Variants in TPPP observed in about 807,000 individuals in gnomAD.
TPPP encodes tubulin polymerization-promoting protein.
Under a neutral mutation model 15.5 loss-of-function variants are expected in TPPP, and 6 were observed. The ratio of observed to expected loss-of-function variants is 0.39; its 90% CI spans 0.21 to 0.77. The LOEUF is 0.77. Among genes scored for constraint, TPPP ranks in the 30% least tolerant of loss-of-function variants. The pLI is 0.42. For missense variants in TPPP, 269 were observed against 307.2 expected (o/e 0.88, Z 0.93); for synonymous variants, 146 against 133.9 (o/e 1.09, Z -0.63).
At chr5:693,964 A>C (rs1960147), upstream of TPPP, among the ~76,000 whole-genome samples, 91,218 of 134,346 alleles carry the variant, frequency 0.68, 28,385 homozygotes, top group Non-Finnish European at 0.71. Context: ...GAGCAGGGAG[A>C]CGGGTCCGTG....
chr5:671,005 C>T (rs1222493212), intron 2 of TPPP, among the ~76,000 whole-genome samples: 1 of 152,216 alleles, frequency 6.6e-6, no homozygotes, highest in East Asian at 1.9e-4. Context: ...GCTCAGGCCC[C>T]AGGGCGGGCT....
intron 1 of TPPP, among the ~76,000 whole-genome samples, chr5:682,663 C>A (rs1212271018): frequency 6.6e-6 from 1 of 152,240 alleles, no homozygotes; most frequent in East Asian, 1.9e-4. Context: ...GAGCCTGTAA[C>A]TAGGGCCTGG....
intron 2 of TPPP, 84 bp downstream of exon 2, chr5:677,666 G>A (rs116271924): frequency 0.013 from 16,943 of 1,325,212 alleles, 206 homozygotes; most frequent in South Asian, 0.024. Flanking sequence ...CCCATGGCCC[G>A]CTCCCCACAG....
At chr5:692,589 A>G (rs1217111546) in intron 1 of TPPP, 1 of 982,690 alleles carries the variant, frequency 1.0e-6, no homozygotes, top group Non-Finnish European at 1.2e-6. Flanking sequence ...CGTAACCGAA[A>G]CCGCAGAATA....
rs529523544 is a variant in TPPP at position 665,129 on chromosome 5, G to A, written c.633C>T (p.Tyr211=). ...ACTTGCCCCCTTGCACCTTCTGGTC[G>A]TAGGTGCCTGCGTGCTTGTAGCCGG... ...YVSGYKHAGT[Y]DQKVQGGK Residue 211 remains tyrosine (Y), a synonymous_variant, in exon 4 of 4, where the codon TAC becomes TAT. Coordinates refer to ENST00000360578, the MANE Select transcript of TPPP (RefSeq NM_007030.3). 7.3e-5 allele frequency: 118 copies of A among 1,612,282 alleles called. No homozygotes were observed. In the East Asian group the frequency reaches 8.7e-4, roughly 12 times the overall value.
chr5:692,669 C>T, intron 1 of TPPP: 2 of 983,136 alleles, frequency 2.0e-6, no homozygotes, highest in South Asian at 4.7e-5. Context: ...GCCTCTCCAT[C>T]GCCACAGGCC....
At chr5:680,977 T>A (rs944168304) in intron 1 of TPPP, among the ~76,000 whole-genome samples, 1 of 152,214 alleles carries the variant, frequency 6.6e-6, no homozygotes, top group African/African-American at 2.4e-5. Context: ...AGCCACACTG[T>A]CTGGATCGCT....
intron 1 of TPPP, among the ~76,000 whole-genome samples, chr5:686,227 G>A (rs12656802): frequency 0.36 from 52,998 of 148,530 alleles, 7,868 homozygotes; most frequent in East Asian, 0.49. Context: ...CAACCATGTC[G>A]GAGACTCGGC....
intron 1 of TPPP, 84 bp from the exon 2 acceptor site, chr5:678,148 A>G: frequency 7.2e-7 from 1 of 1,384,804 alleles, no homozygotes; most frequent in Non-Finnish European, 9.6e-7. Context: ...CCGCCGTACC[A>G]ATGAGCACCA....
chr5:682,089 G>T lies in TPPP; in HGVS notation c.-4-4025C>A, dbSNP rs1172336521. Among the ~76,000 whole-genome samples the T allele has an allele frequency of 2.0e-5, 3 of 151,188 alleles. No individual in the cohort carries two copies. The East Asian group carries it at 5.8e-4, about 29-fold the overall frequency. Reference sequence around the variant, plus strand: ...GGAAACGCCTTCAGACTGGACACTGGACTGCCCAAAGCCAAACTTACAGAA... The same window carrying T: ...GGAAACGCCTTCAGACTGGACACTGTACTGCCCAAAGCCAAACTTACAGAA... On this transcript the variant is annotated intron_variant, in intron 1 of 3. Coordinates refer to ENST00000360578, the MANE Select transcript of TPPP (RefSeq NM_007030.3).
intron 2 of TPPP, among the ~76,000 whole-genome samples, chr5:675,119 G>GGACAGTGTGGCCAGGGA (rs1740363595): frequency 4.3e-5 from 5 of 115,804 alleles, no homozygotes; most frequent in African/African-American, 9.6e-5. Flanking sequence ...AGCACGGGGG[G>GGACAGTGTGGCCAGGGA]TACAGTGTGG....
In TPPP at chr5:677,922, C is replaced by T. The variant is rs1740505328; in HGVS notation, c.139G>A (p.Glu47Lys). Residue 47 changes from glutamate (E) to lysine (K), a missense_variant, in exon 2 of 4, where the codon GAG becomes AAG. Transcript: ENST00000360578. ...AAGGCCTCCTCCAGGGCACTGAGCT[C>T]AGGGGATGCGGCTGCCCCCTCACCA... The part of the protein sequence containing the change: ...GAGEGAAASP[E>K]LSALEEAFRR... 1 of 1,612,716 alleles carries T rather than the reference C, an allele frequency of 6.2e-7. No homozygotes were observed. The highest frequency in any genetic ancestry group is 2.2e-5 in the East Asian group (1 of 44,862).
rs564633157 is a variant in TPPP, at chr5:678,756, C to T, written c.-4-692G>A. On this transcript the variant is annotated intron_variant, in intron 1 of 3. Transcript: ENST00000360578. ...AGTGGTGGGGGCACCGGTGTCAGGG[C>T]GCAGGGACGCCCTCTGGACTTTGCA... Among the ~76,000 whole-genome samples, 143 of 152,252 alleles carry T rather than the reference C, an allele frequency of 9.4e-4. No individual in the cohort carries two copies. The South Asian group carries it at 0.016, about 17-fold the overall frequency.
At position 677,917 on chromosome 5, in the gene TPPP, G is replaced by A. The variant is rs1191634590; in HGVS notation, c.144C>T (p.Leu48=). 4 of 1,612,628 alleles carry A rather than the reference G, an allele frequency of 2.5e-6. No homozygotes were observed. The highest frequency in any genetic ancestry group is 3.4e-6 in the Non-Finnish European group (4 of 1,179,856). The change falls in exon 2 of 4, where the codon CTC becomes CTT. Residue 48 remains leucine (L), a synonymous_variant. Transcript: ENST00000360578. The part of the protein sequence containing the change: ...AGEGAAASPE[L]SALEEAFRRF... ...GCCGGAAGGCCTCCTCCAGGGCACTGAGCTCAGGGGATGCGGCTGCCCCCT... is the reference window on the plus strand; with the variant it reads ...GCCGGAAGGCCTCCTCCAGGGCACTAAGCTCAGGGGATGCGGCTGCCCCCT...
intron 2 of TPPP, among the ~76,000 whole-genome samples, chr5:671,812 G>GTA (rs892060299): frequency 6.6e-6 from 1 of 151,334 alleles, no homozygotes; most frequent in African/African-American, 2.5e-5. Context: ...CAGAGCCGCC[G>GTA]AGTGCAAGCC....
chr5:683,068 G>A (rs187032517), intron 1 of TPPP, among the ~76,000 whole-genome samples: 2,791 of 150,744 alleles, frequency 0.019, 88 homozygotes, highest in African/African-American at 0.066. Context: ...AGGCCAGGGT[G>A]TGACCTCTGA....
At chr5:681,819 A>G (rs549054932) in intron 1 of TPPP, among the ~76,000 whole-genome samples, 49 of 152,358 alleles carry the variant, frequency 3.2e-4, no homozygotes, top group African/African-American at 9.9e-4. Context: ...GTGGCACCAC[A>G]GACCTCAGAG....
chr5:670,092 T>C (rs1412530233), intron 2 of TPPP, among the ~76,000 whole-genome samples: 1 of 152,100 alleles, frequency 6.6e-6, no homozygotes, highest in African/African-American at 2.4e-5. Flanking sequence ...CCCTGGCCTC[T>C]GGGCCTGGTT....
chr5:693,698 C>G (rs2452838), upstream of TPPP, among the ~76,000 whole-genome samples: 117,684 of 149,554 alleles, frequency 0.79, 46,278 homozygotes, highest in African/African-American at 0.93. Context: ...CCCGATCTCT[C>G]CGCCCCGCAG....
Sources: allele counts gnomAD v4.1 joint callset (sites outside exome capture counted in the v4.1 genomes callset), GRCh38; gene constraint gnomAD v4.1.1; transcripts MANE v1.5; gene names NCBI Gene and HGNC (gene_info 2026-07-23, HGNC 2026-07-21).